The following SUMF1 variants were observed in gnomAD, a reference collection of about 807,000 sequenced individuals.
The protein encoded by SUMF1 is sulfatase modifying factor 1.
In SUMF1, 48 loss-of-function variants were observed where a neutral mutation model predicts 47.6. The observed-to-expected ratio is 1.01, with a 90% CI of 0.80 to 1.28. The LOEUF (loss-of-function observed/expected upper bound fraction) is 1.28, where lower values mean the gene tolerates loss of function less well. Among genes scored for constraint, SUMF1 ranks in the 50% most tolerant of loss-of-function variants. The pLI, the probability that SUMF1 is intolerant of heterozygous loss-of-function variation, is 0.00. For synonymous variants in SUMF1, 230 were observed against 192.1 expected, an observed-to-expected ratio of 1.20 and a Z score of -1.63; for missense variants, 571 against 485.4, an observed-to-expected ratio of 1.18 and a Z score of -1.66.
Position 4,443,814 on chromosome 3 carries a change from T to A in SUMF1, c.519+5452A>T, listed in dbSNP as rs146263841. On this transcript the variant is annotated intron_variant, in intron 3 of 8. Coordinates refer to ENST00000272902, the MANE Select transcript of SUMF1 (RefSeq NM_182760.4). ...GAGAAAAAAATGATTAAAAAGAAAG[T>A]GATAAACACTGAAAATGGGTAAAAA... Among the ~76,000 whole-genome samples the A allele has an allele frequency of 5.6e-3, 847 of 151,380 alleles. 5 individuals are homozygous for A. Among genetic ancestry groups the A allele is most frequent in the Non-Finnish European group, 9.2e-3 (624 of 67,808 alleles).
chr3:4,080,234 G>GT (rs1692530808), intron 8 of SUMF1, among the ~76,000 whole-genome samples: 1 of 152,084 alleles, frequency 6.6e-6, no homozygotes, highest in South Asian at 2.1e-4. Context: ...TCAAACTTAA[G>GT]TTTTTTATGA....
chr3:4,290,841 G>C (rs1220406822), intron 8 of SUMF1, among the ~76,000 whole-genome samples: 1 of 152,078 alleles, frequency 6.6e-6, no homozygotes, highest in Non-Finnish European at 1.5e-5. Context: ...TTAACATTCA[G>C]AAAGCTTGCA....
intron 8 of SUMF1, among the ~76,000 whole-genome samples, chr3:4,184,830 G>T (rs947456109): frequency 6.6e-6 from 1 of 151,908 alleles, no homozygotes; most frequent in Non-Finnish European, 1.5e-5. Context: ...CAGATTTTTA[G>T]TAGAGATGGG....
chr3:4,107,521 G>T (rs529203313), intron 8 of SUMF1, among the ~76,000 whole-genome samples: 12 of 152,182 alleles, frequency 7.9e-5, no homozygotes, highest in African/African-American at 2.9e-4. Context: ...GCTTTTAGTA[G>T]GTGTTTATTT....
chr3:4,150,381 G>A (rs1181014525), intron 8 of SUMF1, among the ~76,000 whole-genome samples: 1 of 151,524 alleles, frequency 6.6e-6, no homozygotes, highest in Non-Finnish European at 1.5e-5. Context: ...GGGCAACACG[G>A]TGAAATCCCG....
At chr3:4,386,735 C>T (rs943395046) in intron 7 of SUMF1, among the ~76,000 whole-genome samples, 1 of 151,982 alleles carries the variant, frequency 6.6e-6, no homozygotes, top group African/African-American at 2.4e-5. Flanking sequence ...GGTAGGTATA[C>T]AGTTTCTTTG....
intron 8 of SUMF1, among the ~76,000 whole-genome samples, chr3:4,100,487 T>G (rs1043978473): frequency 6.6e-6 from 1 of 151,820 alleles, no homozygotes; most frequent in African/African-American, 2.4e-5. Context: ...CAGATAAAAT[T>G]TAAATGTCCT....
At chr3:4,164,840 C>A (rs992996466) in intron 8 of SUMF1, among the ~76,000 whole-genome samples, 2 of 152,010 alleles carry the variant, frequency 1.3e-5, no homozygotes, top group Non-Finnish European at 2.9e-5. Context: ...ATAAATTGAC[C>A]CTTGAGTGAG....
intron 8 of SUMF1, among the ~76,000 whole-genome samples, chr3:4,149,087 G>A (rs1022713632): frequency 6.6e-6 from 1 of 152,100 alleles, no homozygotes. Flanking sequence ...GGATTCTCTG[G>A]AGTTCCTTAA....
intron 1 of SUMF1, among the ~76,000 whole-genome samples, chr3:4,460,666 A>T (rs9819542): frequency 0.02 from 2,897 of 146,974 alleles, 78 homozygotes; most frequent in African/African-American, 0.059. Flanking sequence ...ATATATATAT[A>T]TTTTTTAAGA....
At chr3:4,374,150 A>T (rs1168662623) in intron 8 of SUMF1, among the ~76,000 whole-genome samples, 1 of 152,248 alleles carries the variant, frequency 6.6e-6, no homozygotes, top group African/African-American at 2.4e-5. Context: ...TACTCTTACC[A>T]TTCCTATTCA....
intron 8 of SUMF1, among the ~76,000 whole-genome samples, chr3:4,103,360 T>C (rs1326316866): frequency 1.3e-5 from 2 of 152,236 alleles, no homozygotes; most frequent in East Asian, 3.9e-4. Flanking sequence ...AACCACACAG[T>C]CTAGTACTTG....
chr3:4,389,845 C>A (rs182249516), intron 7 of SUMF1, among the ~76,000 whole-genome samples: 16 of 152,232 alleles, frequency 1.1e-4, no homozygotes, highest in Admixed American at 2.6e-4. Context: ...TTTGCTGAAG[C>A]TTTCAATTTT....
At chr3:4,224,879 C>T (rs1696140695) in intron 8 of SUMF1, among the ~76,000 whole-genome samples, 2 of 152,014 alleles carry the variant, frequency 1.3e-5, no homozygotes, top group Admixed American at 6.6e-5. Flanking sequence ...TTCTCAAGTC[C>T]CTGATCCTAC....
At chr3:4,326,092 G>A (rs965931141) in intron 8 of SUMF1, among the ~76,000 whole-genome samples, 5 of 152,182 alleles carry the variant, frequency 3.3e-5, no homozygotes, top group African/African-American at 1.2e-4. Context: ...AAAGTGCTGG[G>A]ATTACAGGCG....
intron 8 of SUMF1, among the ~76,000 whole-genome samples, chr3:4,086,706 C>A (rs73015731): frequency 0.08 from 12,156 of 151,986 alleles, 642 homozygotes; most frequent in Middle Eastern, 0.11. Context: ...ATTTTAGCTC[C>A]CATAATACCC....
chr3:4,330,192 C>G (rs1244208496), intron 8 of SUMF1, among the ~76,000 whole-genome samples: 2 of 152,224 alleles, frequency 1.3e-5, no homozygotes, highest in African/African-American at 4.8e-5. Context: ...TTCCTTTCTT[C>G]TGACCTCTCC....
At chr3:4,086,775 T>C (rs1692681070) in intron 8 of SUMF1, among the ~76,000 whole-genome samples, 1 of 152,216 alleles carries the variant, frequency 6.6e-6, no homozygotes. Context: ...GTTTCCCCCA[T>C]ACTGTTCTCA....
chr3:4,230,161 G>C (rs1048412051), intron 8 of SUMF1, among the ~76,000 whole-genome samples: 1 of 151,898 alleles, frequency 6.6e-6, no homozygotes, highest in African/African-American at 2.4e-5. Flanking sequence ...AACCAAATGT[G>C]TCCTTTCTTT....
Sources: allele counts gnomAD v4.1 joint callset (sites outside exome capture counted in the v4.1 genomes callset), GRCh38; gene constraint gnomAD v4.1.1; transcripts MANE v1.5; gene names NCBI Gene and HGNC (gene_info 2026-07-23, HGNC 2026-07-21).